The following SLC18B1 variants were observed in gnomAD, a reference collection of about 807,000 sequenced individuals.
SLC18B1 encodes solute carrier family 18 member B1, also known as MFS-type transporter SLC18B1.
SLC18B1 carries 62 observed loss-of-function variants against 53.9 expected under a neutral mutation model. The ratio of observed to expected loss-of-function variants is 1.15; its 90% confidence interval spans 0.94 to 1.42. The LOEUF is 1.42. SLC18B1 is among the 40% of genes most tolerant of loss of function. SLC18B1 has a pLI of 0.00. For synonymous variants in SLC18B1, 217 were observed against 200.9 expected, an observed-to-expected ratio of 1.08 and a Z score of -0.68; for missense variants, 598 against 547.3, an observed-to-expected ratio of 1.09 and a Z score of -0.93.
intron 5 of SLC18B1, 89 bp from the exon 6 acceptor site, chr6:132,784,178 C>T: frequency 9.6e-7 from 1 of 1,036,690 alleles, no homozygotes; most frequent in Non-Finnish European, 1.3e-6. Flanking sequence ...CTATCTTCTT[C>T]ATAATTTACA....
intron 3 of SLC18B1, 68 bp from the exon 4 acceptor site, chr6:132,789,905 T>C (rs759221279): frequency 3.7e-5 from 40 of 1,076,746 alleles, no homozygotes; most frequent in Non-Finnish European, 5.7e-5. Context: ...TATAAACAAA[T>C]CCACTGTATT....
At chr6:132,782,335 G>A (rs1781260006) in intron 6 of SLC18B1, among the ~76,000 whole-genome samples, 1 of 151,968 alleles carries the variant, frequency 6.6e-6, no homozygotes, top group African/African-American at 2.4e-5. Flanking sequence ...TTTGATATGT[G>A]TATACATTGT....
At chr6:132,791,063 G>A (rs562437542) in intron 2 of SLC18B1, among the ~76,000 whole-genome samples, 4 of 152,072 alleles carry the variant, frequency 2.6e-5, no homozygotes, top group Admixed American at 6.5e-5. Context: ...GTCAAGTCCC[G>A]GAACTATTGC....
rs780175840 is a variant in SLC18B1, at chr6:132,787,547, T to G, written c.388A>C (p.Ile130Leu). Residue 130 changes from isoleucine to leucine, a missense_variant, in exon 5 of 14, where the codon ATT becomes CTT. By Grantham distance (5) the Ile-to-Leu change is conservative (BLOSUM62 2). Transcript: ENST00000275227. ...LDRVPDGPVF[I>L]AMCFLVRVMD... ...ACTCTCACTAGAAAACACATAGCAA[T>G]AAATACTGGCCCATCTGGAACTCGG... The G allele has an allele frequency of 3.7e-6, 6 of 1,608,072 alleles. No homozygotes were observed. In the South Asian group the frequency reaches 4.4e-5, roughly 12 times the overall value.
chr6:132,793,902 C>T (rs1312978581), intron 2 of SLC18B1, among the ~76,000 whole-genome samples: 3 of 152,034 alleles, frequency 2.0e-5, no homozygotes, highest in Non-Finnish European at 4.4e-5. Context: ...TCATCATTTC[C>T]TATAAGCACA....
At chr6:132,775,902 A>G (rs1377278277) in intron 8 of SLC18B1, among the ~76,000 whole-genome samples, 2 of 152,134 alleles carry the variant, frequency 1.3e-5, no homozygotes, top group Non-Finnish European at 2.9e-5. Flanking sequence ...AGCTTTTTTC[A>G]TAAGAGAGTT....
chr6:132,788,847 A>G (rs1046215025), intron 4 of SLC18B1, among the ~76,000 whole-genome samples: 3 of 143,504 alleles, frequency 2.1e-5, no homozygotes, highest in Non-Finnish European at 4.5e-5. Context: ...AAAAAAAAAC[A>G]TGTAGAATCA....
rs1562271490 is a variant in SLC18B1, at chr6:132,792,293, AAGGAAGG to A, written c.184-2028_184-2022del. On this transcript the variant is annotated intron_variant, in intron 2 of 13. Transcript: ENST00000275227. ...AAAGAAAGAAAGAAAGGAAGAAAGG[AAGGAAGG>A]AAGGAAGGAAGGAAGGAAGGAAGGA... is the stretch of plus-strand genomic sequence containing the variant. Among the ~76,000 whole-genome samples the A allele has an allele frequency of 2.4e-3, 195 of 82,272 alleles. 1 individual carries two copies. Among genetic ancestry groups the A allele is most frequent in the Non-Finnish European group, 3.0e-3 (122 of 40,774 alleles). 54.0% of individuals were successfully genotyped at this position (82,272 alleles called of 152,430 possible). A position where few individuals can be genotyped will look rare whatever the true frequency, so the allele number is the denominator to read the frequency against.
chr6:132,769,762 C>T lies in SLC18B1; in HGVS notation c.*508G>A, dbSNP rs1435409608. On this transcript the variant is annotated 3_prime_UTR_variant, in exon 14 of 14. Transcript: ENST00000275227. ...AAGAATTCTTCCTTTTGAACAAGAC[C>T]GAAAAACCTCAGGACAAAGAGAAAG... 1.3e-5 allele frequency: 2 copies of T among 152,074 alleles called. No homozygotes were observed. The highest frequency in any genetic ancestry group is 2.1e-4 in the South Asian group (1 of 4,824). The allele number at this position is 152,074 out of a possible 1,614,324, so 9.4% of individuals were successfully genotyped here.
At position 132,772,103 on chromosome 6, in the gene SLC18B1, A is replaced by G. The variant is rs769197635; in HGVS notation, c.1160+29T>C. 20 of 1,520,964 alleles carry G rather than the reference A, an allele frequency of 1.3e-5. No individual in the cohort carries two copies. In the African/African-American group the frequency reaches 2.1e-4, roughly 16 times the overall value. The allele number at this position is 1,520,964 out of a possible 1,614,324, so 94.2% of individuals were successfully genotyped here. ...GTGAAACTCCATCTCAAAAAAAAAA[A>G]AAAAGAAAGAAATTAAATGACTACT... On this transcript the variant is annotated intron_variant, in intron 11 of 13. Transcript: ENST00000275227.
chr6:132,771,310 T>A (rs1307061795), intron 11 of SLC18B1, among the ~76,000 whole-genome samples, 181 bp from the exon 12 acceptor site: 1 of 152,168 alleles, frequency 6.6e-6, no homozygotes, highest in Admixed American at 6.5e-5. Flanking sequence ...ATAATGACAT[T>A]CAAAATTTTT....
intron 13 of SLC18B1, 68 bp from the exon 14 acceptor site, chr6:132,770,404 A>C (rs1780938845): frequency 7.5e-7 from 1 of 1,337,772 alleles, no homozygotes; most frequent in African/African-American, 1.5e-5. Flanking sequence ...ACAAACAAAA[A>C]ACCAGTACCT....
rs535507664 is a variant in SLC18B1, at chr6:132,779,323, AG to A, written c.739del (p.Leu247SerfsTer29). 7 of 1,613,974 alleles carry A rather than the reference AG, an allele frequency of 4.3e-6. No individual in the cohort carries two copies. Among genetic ancestry groups the A allele is most frequent in the Non-Finnish European group, 5.9e-6 (7 of 1,179,988 alleles). On this transcript the variant is annotated frameshift_variant, in exon 7 of 14. Coordinates refer to ENST00000275227, the MANE Select transcript of SLC18B1 (RefSeq NM_052831.3). LOFTEE classifies it high-confidence loss of function. ...VGLIAFVINS[L>X]SSCFGFLDPT... ...ATCGAGGAAGCCAAAACACGAGCTG[AG>A]TGAGTTGATGACGAAGGCTATAAGG... is the stretch of plus-strand genomic sequence containing the variant.
In SLC18B1 at chr6:132,780,599, G is replaced by GT. The variant is rs1176491208; in HGVS notation, c.659-1196dup. ...TTTTTTTTTTTTTTTTGAGACAGTAGTTTTTTTTTTGGAGTGCAGTGGTGC... is the reference window on the plus strand; with the variant it reads ...TTTTTTTTTTTTTTTTGAGACAGTAGTTTTTTTTTTTGGAGTGCAGTGGTGC... On this transcript the variant is annotated intron_variant, in intron 6 of 13. Coordinates refer to ENST00000275227, the MANE Select transcript of SLC18B1 (RefSeq NM_052831.3). Among the ~76,000 whole-genome samples the GT allele has an allele frequency of 5.0e-3, 320 of 64,602 alleles. 3 individuals carry two copies. Among genetic ancestry groups the GT allele is most frequent in the African/African-American group, 0.021 (244 of 11,848 alleles). The allele number at this position is 64,602 out of a possible 152,430, so 42.4% of individuals were successfully genotyped here.
At chr6:132,785,117 CAGTG>C (rs1781336798) in intron 5 of SLC18B1, among the ~76,000 whole-genome samples, 1 of 138,616 alleles carries the variant, frequency 7.2e-6, no homozygotes, top group East Asian at 2.1e-4. Context: ...CTCTCTCTCT[CAGTG>C]TGTGTGTGTG....
At chr6:132,791,987 G>A (rs1781533733) in intron 2 of SLC18B1, among the ~76,000 whole-genome samples, 1 of 151,910 alleles carries the variant, frequency 6.6e-6, no homozygotes, top group African/African-American at 2.4e-5. Flanking sequence ...CAGCACTTTA[G>A]GAAGCTCAGG....
intron 6 of SLC18B1, 118 bp downstream of exon 6, chr6:132,783,815 C>CA (rs1290644254): frequency 2.5e-6 from 2 of 801,316 alleles, no homozygotes; most frequent in African/African-American, 3.7e-5. Context: ...AAAAAAGAAT[C>CA]AGTTATTTTT....
At chr6:132,794,384 G>A (rs1432264222) in intron 2 of SLC18B1, among the ~76,000 whole-genome samples, 2 of 151,598 alleles carry the variant, frequency 1.3e-5, no homozygotes, top group African/African-American at 2.4e-5. Flanking sequence ...GATTACAGGC[G>A]TGAGCCACCA....
At chr6:132,792,272 AAAGAAAGAAAGGAAGAAAGGAAGG>A (rs1781551498) in intron 2 of SLC18B1, among the ~76,000 whole-genome samples, 1 of 52,658 alleles carries the variant, frequency 1.9e-5, no homozygotes, top group Non-Finnish European at 3.7e-5. Flanking sequence ...AGAAAGAAAG[AAAGAAAGAAAGGAAGAAAGGAAGG>A]AAGGAAGGAA....
Sources: allele counts gnomAD v4.1 joint callset (sites outside exome capture counted in the v4.1 genomes callset), GRCh38; gene constraint gnomAD v4.1.1; transcripts MANE v1.5; gene names NCBI Gene and HGNC (gene_info 2026-07-23, HGNC 2026-07-21).